SCRIB: variants seen among roughly 807,000 people sequenced by gnomAD.
SCRIB encodes the protein protein scribble homolog.
In SCRIB, 72 loss-of-function variants were observed where a neutral mutation model predicts 170.0. That is an observed-to-expected ratio of 0.42 (90% confidence interval 0.35 to 0.52). The LOEUF (loss-of-function observed/expected upper bound fraction) is 0.52. Among genes scored for constraint, SCRIB ranks in the 20% least tolerant of loss-of-function variants. The probability of loss-of-function intolerance (pLI) is 0.02; values close to 1 mark genes in which losing one functional copy is unlikely to be tolerated. For missense variants in SCRIB, 2,475 were observed against 2,338.5 expected, an observed-to-expected ratio of 1.06 and a Z score of -1.20; for synonymous variants, 1,298 against 1,044.3, an observed-to-expected ratio of 1.24 and a Z score of -4.68.
In SCRIB at chr8:143,809,034, A is replaced by G. The variant is rs751460231; in HGVS notation, c.1699-9T>C. On this transcript the variant is annotated splice_polypyrimidine_tract_variant and intron_variant, in intron 14 of 36. Coordinates refer to ENST00000356994, the MANE Select transcript of SCRIB (RefSeq NM_182706.5). ...GCGAAATGCACCGTGGGCTGTGCGG[A>G]CAAAAGGGTGAGGGTGGCCCCAGCT... The G allele has an allele frequency of 6.2e-7, 1 of 1,604,242 alleles. No homozygotes were observed. Among genetic ancestry groups the G allele is most frequent in the South Asian group, 1.1e-5 (1 of 90,306 alleles).
intron 33 of SCRIB, 27 bp downstream of exon 33, chr8:143,791,964 C>CA (rs1820119915): frequency 2.0e-6 from 3 of 1,487,016 alleles, no homozygotes; most frequent in Middle Eastern, 1.9e-4. Flanking sequence ...GCAGGCTGAC[C>CA]CCCCCGACCT....
chr8:143,807,671 C>A (rs1815490917), intron 15 of SCRIB, 57 bp from the exon 16 acceptor site: 3 of 1,317,672 alleles, frequency 2.3e-6, no homozygotes, highest in Admixed American at 1.7e-5. Flanking sequence ...ACCACCACCA[C>A]CGCCTCACCC....
rs759552856 is a variant in SCRIB, at chr8:143,808,746, C to CCTT, written c.1975_1977dup (p.Lys659dup). ...CTACCCTCTTCCTCCTCCTCCTCCT[C>CCTT]CTTCTGGGCCCGAGGAGCCCAGGGT... On this transcript the variant is annotated inframe_insertion, in exon 15 of 37. Transcript: ENST00000356994. 1 of 1,604,118 alleles carries CCTT rather than the reference C, an allele frequency of 6.2e-7. No homozygotes were observed. Among genetic ancestry groups the CCTT allele is most frequent in the South Asian group, 1.1e-5 (1 of 89,376 alleles).
chr8:143,792,199 C>T (rs781783491), intron 32 of SCRIB, 21 bp downstream of exon 32: 13 of 1,547,064 alleles, frequency 8.4e-6, no homozygotes, highest in Middle Eastern at 1.7e-4. Context: ...GGCGGGGTGG[C>T]GACCCCACAC....
chr8:143,807,038 C>T (rs782467593), intron 16 of SCRIB, 25 bp from the exon 17 acceptor site: 5 of 1,551,164 alleles, frequency 3.2e-6, no homozygotes, highest in Admixed American at 1.7e-5. Flanking sequence ...GACAGGGTGT[C>T]TAGAAGGGCC....
Position 143,815,272 on chromosome 8 carries a change from T to C in SCRIB, c.101A>G (p.Tyr34Cys). Residue 34 changes from tyrosine to cysteine, a missense_variant, in exon 1 of 37, where the codon TAC becomes TGC. Tyr to Cys is a radical substitution (Grantham distance 194, BLOSUM62 -2). Transcript: ENST00000356994. ...CAGCAGCTCCTCCAGGCTGCGGCTG[T>C]AGCGGTAGATCTCCTCCGGCACGGC... Reference protein sequence around the residue: ...LQAVPEEIYRYSRSLEELLLD... With the variant: ...LQAVPEEIYRCSRSLEELLLD... 2 of 1,597,320 alleles carry C rather than the reference T, an allele frequency of 1.3e-6. No homozygotes were observed. Among genetic ancestry groups the C allele is most frequent in the Non-Finnish European group, 8.5e-7 (1 of 1,175,034 alleles).
In SCRIB at chr8:143,810,743, C is replaced by G. The variant is rs1670220703; in HGVS notation, c.1347G>C (p.Gln449His). 6.2e-7 allele frequency: 1 copy of G among 1,608,828 alleles called. No homozygotes were observed. Among genetic ancestry groups the G allele is most frequent in the Non-Finnish European group, 8.5e-7 (1 of 1,177,974 alleles). The part of the protein sequence containing the change: ...DAPPSRVSVI[Q>H]FLEAPIGDED... Reference sequence around the variant, plus strand: ...CATCACCTATGGGGGCCTCCAGGAACTGGATGACGCTGACGCGGCTCGGCG... The same window carrying G: ...CATCACCTATGGGGGCCTCCAGGAAGTGGATGACGCTGACGCGGCTCGGCG... Residue 449 changes from glutamine to histidine, a missense_variant, in exon 12 of 37, where the codon CAG becomes CAC. Gln to His is a conservative substitution (Grantham distance 24). Transcript: ENST00000356994.
Position 143,795,475 on chromosome 8 carries a change from C to A in SCRIB, c.3659G>T (p.Ser1220Ile), listed in dbSNP as rs1814904057. The A allele has an allele frequency of 6.2e-7, 1 of 1,613,338 alleles. No homozygotes were observed. The highest frequency in any genetic ancestry group is 8.5e-7 in the Non-Finnish European group (1 of 1,179,848). Residue 1220 changes from serine to isoleucine, a missense_variant, in exon 25 of 37, where the codon AGC becomes ATC. Coordinates refer to ENST00000356994, the MANE Select transcript of SCRIB (RefSeq NM_182706.5). Reference protein sequence around the residue: ...PFAAGIGHRNSLESISSIDRE... With the variant: ...PFAAGIGHRNILESISSIDRE... ...GTCGATGGAAGAGATGCTCTCCAGG[C>A]TGTTCCGGTGGCCGATGCCTGCCGC...
rs782309851 is a variant in SCRIB, at chr8:143,803,560, C to G, written c.3426G>C (p.Thr1142=). The G allele has an allele frequency of 7.4e-7, 1 of 1,358,296 alleles. No individual in the cohort carries two copies. The allele number at this position is 1,358,296 out of a possible 1,614,324, so 84.1% of individuals were successfully genotyped here. Residue 1142 remains threonine, a synonymous_variant, in exon 24 of 37, where the codon ACG becomes ACC. Coordinates refer to ENST00000356994, the MANE Select transcript of SCRIB (RefSeq NM_182706.5). ...GCCGACCGTCGCGCCCGGCTGCCCC[C>G]GTGGGGCTCACCTGTGGGGAGACGT... ...EGIFISKVSP[T]GAAGRDGRLR...
rs1815429210 is a variant in SCRIB at position 143,806,450 on chromosome 8, G to A, written c.2303C>T (p.Pro768Leu). The change falls in exon 18 of 37, where the codon CCT becomes CTT. Residue 768 changes from proline to leucine, a missense_variant. Pro to Leu is a moderately conservative substitution (Grantham distance 98). This residue lies in a region of SCRIB where 1,966 missense variants were observed against 1,742.9 expected (regional missense o/e 1.13). Transcript: ENST00000356994. ...IFISRVSEEGPAARAGVRVGD... is the reference protein window; with the variant it reads ...IFISRVSEEGLAARAGVRVGD... ...CACACGGACTCCAGCCCGGGCCGCA[G>A]GGCCTTCCTCGGACACCCGAGAGAT... 6.2e-7 allele frequency: 1 copy of A among 1,606,044 alleles called. No individual in the cohort carries two copies. Among genetic ancestry groups the A allele is most frequent in the East Asian group, 2.2e-5 (1 of 44,564 alleles).
intron 17 of SCRIB, 74 bp downstream of exon 17, chr8:143,806,850 C>T (rs1815447920): frequency 9.5e-7 from 1 of 1,052,098 alleles, no homozygotes. Context: ...GGGCAAGGGG[C>T]CTGTGTGCCA....
chr8:143,812,686 G>T, intron 8 of SCRIB, 131 bp downstream of exon 8: 3 of 1,267,310 alleles, frequency 2.4e-6, no homozygotes, highest in South Asian at 1.4e-5. Context: ...CCTCCCCAGG[G>T]ACAGCTCCCA....
At position 143,815,331 on chromosome 8, in the gene SCRIB, C is replaced by T. The variant is rs751385077; in HGVS notation, c.42G>A (p.Val14=). ...AACAGTGCCGCTTGTCCACCGACTC[C>T]ACGTGCCGGTTGCAGCGCCACAGCG... ...CIPLWRCNRH[V]ESVDKRHCSL... is the part of the protein sequence containing the mutation. Residue 14 remains valine (V), a synonymous_variant, in exon 1 of 37, where the codon GTG becomes GTA. Transcript: ENST00000356994. 1.3e-6 allele frequency: 2 copies of T among 1,561,888 alleles called. No individual in the cohort carries two copies. The highest frequency in any genetic ancestry group is 2.3e-5 in the South Asian group (2 of 85,596).
Position 143,813,095 on chromosome 8 carries a change from G to T in SCRIB, c.577C>A (p.Leu193Met). The T allele has an allele frequency of 6.3e-7, 1 of 1,578,894 alleles. No homozygotes were observed. Reference sequence around the variant, plus strand: ...TCCCGAAGATTGGGCAGAGCCCCCAGAGTGTCTGGCTGCAAGAAGGAACAG... The same window carrying T: ...TCCCGAAGATTGGGCAGAGCCCCCATAGTGTCTGGCTGCAAGAAGGAACAG... ...GNDLEVLPDTLGALPNLRELW... is the reference protein window; with the variant it reads ...GNDLEVLPDTMGALPNLRELW... The change falls in exon 7 of 37, where the codon CTG becomes ATG. Residue 193 changes from leucine (L) to methionine (M), a missense_variant. By Grantham distance (15) the Leu-to-Met change is conservative. Transcript: ENST00000356994.
At chr8:143,811,114 G>A (rs758413689) in intron 10 of SCRIB, 32 bp downstream of exon 10, 23 of 1,602,724 alleles carry the variant, frequency 1.4e-5, no homozygotes, top group African/African-American at 8.0e-5. Context: ...TTGGGGCCAC[G>A]GTTAGGCCCG....
chr8:143,805,025 G>A lies in SCRIB; in HGVS notation c.2671-11C>T, dbSNP rs1815354840. The A allele has an allele frequency of 1.3e-6, 2 of 1,585,806 alleles. No individual in the cohort carries two copies. Among genetic ancestry groups the A allele is most frequent in the East Asian group, 2.3e-5 (1 of 43,850 alleles). On this transcript the variant is annotated splice_polypyrimidine_tract_variant and intron_variant, in intron 19 of 36. Coordinates refer to ENST00000356994, the MANE Select transcript of SCRIB (RefSeq NM_182706.5). ...GGAGACGAAGATGCCCTGCAGGGGAGGGTGGAGGAGGCAGGGCTGCCGGTG... is the reference window on the plus strand; with the variant it reads ...GGAGACGAAGATGCCCTGCAGGGGAAGGTGGAGGAGGCAGGGCTGCCGGTG...
At chr8:143,814,912 G>A (rs893395177) in intron 1 of SCRIB, 4 of 408,136 alleles carry the variant, frequency 9.8e-6, no homozygotes, top group African/African-American at 4.2e-5. Context: ...TCAGCCACCT[G>A]AATCCAAGTT....
In SCRIB at chr8:143,804,685, G is replaced by T. The variant is rs781995167; in HGVS notation, c.2892C>A (p.Pro964=). ...TGGTGGTGGCAACAGCAGCGGTGGG[G>T]GGTGAGGAATGTGGCAGAGGGCTGG... ...LPPSPLPHSS[P]PTAAVATTSI... The change falls in exon 21 of 37, where the codon CCC becomes CCA. Residue 964 remains proline, a synonymous_variant. Coordinates refer to ENST00000356994, the MANE Select transcript of SCRIB (RefSeq NM_182706.5). The T allele has an allele frequency of 6.4e-7, 1 of 1,565,428 alleles. No homozygotes were observed. The highest frequency in any genetic ancestry group is 1.8e-5 in the Admixed American group (1 of 56,980).
intron 16 of SCRIB, among the ~76,000 whole-genome samples, 169 bp downstream of exon 16, chr8:143,807,383 G>A (rs139890730): frequency 3.0e-4 from 45 of 152,280 alleles, no homozygotes; most frequent in African/African-American, 1.0e-3. Context: ...CTGCCAAGAC[G>A]GGCTGCCCCA....
Sources: allele counts gnomAD v4.1 joint callset (sites outside exome capture counted in the v4.1 genomes callset), GRCh38; gene constraint gnomAD v4.1.1; regional missense constraint gnomAD v4.1.1; transcripts MANE v1.5; gene names NCBI Gene and HGNC (gene_info 2026-07-23, HGNC 2026-07-21).